KDM4C: variants seen among roughly 807,000 people sequenced by gnomAD.
KDM4C encodes lysine-specific demethylase 4C.
A neutral mutation model predicts 129.3 loss-of-function variants in KDM4C; 81 were observed. That is an observed-to-expected ratio of 0.63 (90% confidence interval 0.52 to 0.75). KDM4C has a LOEUF of 0.75. Ranked by LOEUF, KDM4C falls within the 30% of genes least tolerant of loss-of-function variation. The pLI, the probability that KDM4C is intolerant of heterozygous loss-of-function variation, is 0.00. For missense variants in KDM4C, 1,457 were observed against 1,304.0 expected (o/e 1.12, Z -1.81); for synonymous variants, 573 against 456.1 (o/e 1.26, Z -3.26).
At chr9:6,834,636 A>G in intron 4 of KDM4C, 2 of 775,780 alleles carry the variant, frequency 2.6e-6, no homozygotes, top group South Asian at 2.7e-5. Context: ...GCCTAGAGCA[A>G]GAGAGGCATC....
At chr9:7,007,339 C>G (rs1464596532) in intron 12 of KDM4C, among the ~76,000 whole-genome samples, 1 of 152,180 alleles carries the variant, frequency 6.6e-6, no homozygotes, top group Admixed American at 6.5e-5. Context: ...CGGGTTTCCA[C>G]CATGAAGTAA....
intron 8 of KDM4C, chr9:6,925,441 C>T (rs575489523): frequency 2.4e-6 from 2 of 840,858 alleles, no homozygotes; most frequent in African/African-American, 3.8e-5. Flanking sequence ...TCCCCTTTTC[C>T]TCTTCCCCCT....
At chr9:6,762,917 C>G (rs181992793) in intron 1 of KDM4C, among the ~76,000 whole-genome samples, 62 of 152,078 alleles carry the variant, frequency 4.1e-4, no homozygotes, top group African/African-American at 1.3e-3. Flanking sequence ...CTCACCCTCC[C>G]AAATTACTGG....
chr9:7,158,828 G>C (rs1269775088), intron 19 of KDM4C, among the ~76,000 whole-genome samples: 1 of 152,158 alleles, frequency 6.6e-6, no homozygotes, highest in Non-Finnish European at 1.5e-5. Context: ...TTGATTTGGG[G>C]TGGAGAGTCC....
intron 1 of KDM4C, among the ~76,000 whole-genome samples, chr9:6,782,905 G>A (rs1310319015): frequency 6.6e-6 from 1 of 152,168 alleles, no homozygotes; most frequent in Non-Finnish European, 1.5e-5. Context: ...AGTCACTCGG[G>A]ATAGTAATAG....
At chr9:7,056,024 T>G (rs915489565) in intron 17 of KDM4C, among the ~76,000 whole-genome samples, 2 of 152,242 alleles carry the variant, frequency 1.3e-5, no homozygotes, top group African/African-American at 4.8e-5. Context: ...CATTAACTCA[T>G]GTACCGATTT....
At chr9:6,795,232 T>C (rs921162678) in intron 2 of KDM4C, among the ~76,000 whole-genome samples, 10 of 152,234 alleles carry the variant, frequency 6.6e-5, no homozygotes, top group African/African-American at 9.6e-5. Context: ...GTTCAACTCC[T>C]CCTGCAAATG....
chr9:7,005,584 C>T (rs141697566), intron 12 of KDM4C, among the ~76,000 whole-genome samples: 2 of 152,084 alleles, frequency 1.3e-5, no homozygotes, highest in Non-Finnish European at 2.9e-5. Flanking sequence ...TGCAAACTCT[C>T]AAGGCTTCCA....
rs1215494691 is a variant in KDM4C at position 6,759,945 on chromosome 9, A to C, written c.-18+1742A>C. ...GACAGACTGAGACTCCATCTCAAAA[A>C]AAAAAAAAAGTAAAAATATAAATAA... is the stretch of plus-strand genomic sequence containing the variant. On this transcript the variant is annotated intron_variant, in intron 1 of 21. Transcript: ENST00000381309. 2.1e-5 allele frequency among the ~76,000 whole-genome samples: 3 copies of C among 144,828 alleles called. No homozygotes were observed. In the East Asian group the frequency reaches 5.9e-4, roughly 28 times the overall value.
At chr9:6,927,089 TTCTATCTA>T (rs34242647) in intron 8 of KDM4C, among the ~76,000 whole-genome samples, 1,595 of 145,176 alleles carry the variant, frequency 0.011, 16 homozygotes, top group Admixed American at 0.018. Flanking sequence ...AAAAAAAATT[TTCTATCTA>T]TCTATCTATC....
At chr9:7,119,261 A>G (rs150398669) in intron 18 of KDM4C, among the ~76,000 whole-genome samples, 106 of 152,276 alleles carry the variant, frequency 7.0e-4, no homozygotes, top group Middle Eastern at 3.4e-3. Flanking sequence ...TCCCAAGTCT[A>G]CTGTTAAAAG....
At chr9:7,120,818 TTTC>T (rs1470355723) in intron 18 of KDM4C, among the ~76,000 whole-genome samples, 1 of 152,204 alleles carries the variant, frequency 6.6e-6, no homozygotes, top group Non-Finnish European at 1.5e-5. Context: ...GAGATGGTGT[TTTC>T]TTCCTAACTC....
intron 1 of KDM4C, among the ~76,000 whole-genome samples, chr9:6,767,870 C>G (rs1274897235): frequency 6.6e-6 from 1 of 152,092 alleles, no homozygotes; most frequent in East Asian, 1.9e-4. Flanking sequence ...CAGGAAGAAT[C>G]TGGCCCTGAG....
intron 15 of KDM4C, among the ~76,000 whole-genome samples, chr9:7,038,357 C>G (rs781069835): frequency 1.3e-4 from 19 of 151,974 alleles, no homozygotes; most frequent in Non-Finnish European, 2.1e-4. Context: ...CCTTTCAGCT[C>G]TTTTCTATGT....
At chr9:7,096,373 A>T (rs1214824240) in intron 17 of KDM4C, among the ~76,000 whole-genome samples, 1 of 152,102 alleles carries the variant, frequency 6.6e-6, no homozygotes, top group Non-Finnish European at 1.5e-5. Flanking sequence ...GGGAAGCACT[A>T]TTTTCTGCTA....
chr9:7,110,808 G>A (rs1838236794), intron 18 of KDM4C, among the ~76,000 whole-genome samples: 1 of 152,140 alleles, frequency 6.6e-6, no homozygotes, highest in African/African-American at 2.4e-5. Context: ...TGAAACCAAG[G>A]AAAATACAGC....
intron 5 of KDM4C, among the ~76,000 whole-genome samples, chr9:6,857,026 G>A (rs940266861): frequency 6.6e-6 from 1 of 152,138 alleles, no homozygotes. Flanking sequence ...CATAATTTTT[G>A]TATTTTTGTA....
intron 17 of KDM4C, among the ~76,000 whole-genome samples, chr9:7,096,964 C>T (rs538449688): frequency 1.3e-5 from 2 of 152,202 alleles, no homozygotes; most frequent in African/African-American, 4.8e-5. Context: ...CAGGATCCCA[C>T]CTTTTCAGCC....
At chr9:6,803,446 T>TGGGAG in intron 2 of KDM4C, among the ~76,000 whole-genome samples, 1 of 151,902 alleles carries the variant, frequency 6.6e-6, no homozygotes, top group Admixed American at 6.6e-5. Context: ...GGTGCGCACC[T>TGGGAG]GTAGTCCCAG....
Sources: gnomAD v4.1 joint callset for allele counts (sites outside exome capture counted in the v4.1 genomes callset) on GRCh38, gnomAD v4.1.1 for gene constraint, MANE v1.5 for transcripts, NCBI Gene and HGNC (gene_info 2026-07-23, HGNC 2026-07-21) for gene names.